The following ZNF536 variants were observed in gnomAD, a reference collection of about 807,000 sequenced individuals.
ZNF536 encodes the protein zinc finger protein 536.
Under a neutral mutation model 84.5 loss-of-function variants are expected in ZNF536, and 13 were observed. That is an observed-to-expected ratio of 0.15 (90% CI 0.10 to 0.24). The LOEUF (loss-of-function observed/expected upper bound fraction) is 0.24, where lower values mean the gene tolerates loss of function less well. Among genes scored for constraint, ZNF536 ranks in the 10% least tolerant of loss-of-function variants. The pLI, the probability that ZNF536 is intolerant of heterozygous loss-of-function variation, is 1.00. For synonymous variants in ZNF536, 811 were observed against 742.5 expected, an observed-to-expected ratio of 1.09 and a Z score of -1.50; for missense variants, 1,536 against 1,747.5, an observed-to-expected ratio of 0.88 and a Z score of 2.16.
intron 2 of ZNF536, among the ~76,000 whole-genome samples, chr19:30,319,768 G>T (rs1485896908): frequency 6.6e-6 from 1 of 152,218 alleles, no homozygotes; most frequent in Non-Finnish European, 1.5e-5. Flanking sequence ...AATTGACTAA[G>T]ATGCAAGTAT....
Position 30,443,936 on chromosome 19 carries a change from G to T in ZNF536, c.374G>T (p.Arg125Leu), listed in dbSNP as rs866467288. The change falls in exon 2 of 5, where the codon CGC (arginine) becomes CTC (leucine). Residue 125 changes from arginine (R) to leucine (L), a missense_variant. Transcript: ENST00000355537. ...SQMSDIEDDA[R>L]KNRKYPCPLC... is the part of the protein sequence containing the mutation. ...ATGAGCGACATCGAGGACGACGCCC[G>T]CAAGAACCGCAAGTACCCGTGCCCA... is the stretch of plus-strand genomic sequence containing the variant. 4 of 1,613,654 alleles carry T rather than the reference G, an allele frequency of 2.5e-6. No homozygotes were observed. Among genetic ancestry groups the T allele is most frequent in the South Asian group, 1.1e-5 (1 of 91,082 alleles).
chr19:30,238,431 CCACA>C (rs57536360), intron 1 of ZNF536, among the ~76,000 whole-genome samples: 78,995 of 149,842 alleles, frequency 0.53, 21,956 homozygotes, highest in East Asian at 0.8. Flanking sequence ...TGTATCTAGG[CCACA>C]CACACACACA....
chr19:30,556,601 G>A (rs1244902940), intron 4 of ZNF536: 1 of 152,374 alleles, frequency 6.6e-6, no homozygotes, highest in African/African-American at 2.4e-5. Flanking sequence ...CATTGTATTT[G>A]CCAAATGGTC....
intron 1 of ZNF536, among the ~76,000 whole-genome samples, chr19:30,567,400 T>C (rs956097462): frequency 6.6e-5 from 10 of 152,176 alleles, no homozygotes; most frequent in African/African-American, 2.2e-4. Context: ...ATCCCCTCAG[T>C]GTCCTCACCT....
intron 2 of ZNF536, among the ~76,000 whole-genome samples, chr19:30,340,836 A>G (rs577129359): frequency 6.6e-6 from 1 of 152,342 alleles, no homozygotes; most frequent in East Asian, 1.9e-4. Flanking sequence ...GATATCCTCT[A>G]AAAGATGTGA....
chr19:30,520,214 T>C (rs2044263733), intron 2 of ZNF536, among the ~76,000 whole-genome samples: 2 of 152,104 alleles, frequency 1.3e-5, no homozygotes, highest in Admixed American at 1.3e-4. Context: ...ATTTCTTAGA[T>C]CTCATTGCAG....
At chr19:30,438,301 C>T (rs761799671) in intron 1 of ZNF536, among the ~76,000 whole-genome samples, 1 of 152,156 alleles carries the variant, frequency 6.6e-6, no homozygotes, top group East Asian at 1.9e-4. Context: ...TCTTTATGTC[C>T]GTGTATACCC....
At chr19:30,431,440 G>T (rs926748374) in intron 1 of ZNF536, among the ~76,000 whole-genome samples, 1 of 152,166 alleles carries the variant, frequency 6.6e-6, no homozygotes, top group Non-Finnish European at 1.5e-5. Flanking sequence ...AGTAATGATC[G>T]TGCTTACTTA....
intron 2 of ZNF536, among the ~76,000 whole-genome samples, chr19:30,337,344 C>T (rs1354835997): frequency 3.9e-5 from 6 of 152,170 alleles, no homozygotes; most frequent in Non-Finnish European, 8.8e-5. Context: ...CTCCCACCAC[C>T]GTCTGTGTCC....
At chr19:30,643,772 T>TG (rs1261375880) in intron 1 of ZNF536, among the ~76,000 whole-genome samples, 1 of 152,056 alleles carries the variant, frequency 6.6e-6, no homozygotes, top group Non-Finnish European at 1.5e-5. Flanking sequence ...GGAGTTGCGT[T>TG]GGGGGGTGGT....
At chr19:30,420,497 C>A (rs1018420491) in intron 1 of ZNF536, among the ~76,000 whole-genome samples, 5 of 152,176 alleles carry the variant, frequency 3.3e-5, no homozygotes, top group African/African-American at 1.2e-4. Flanking sequence ...AATCTCTTAG[C>A]ATCATCAAAG....
chr19:30,456,508 T>A (rs1273141450), intron 2 of ZNF536, among the ~76,000 whole-genome samples: 1 of 152,102 alleles, frequency 6.6e-6, no homozygotes, highest in Non-Finnish European at 1.5e-5. Flanking sequence ...GGCTCTAGAC[T>A]GTTTGTTTTA....
chr19:30,690,662 C>A (rs373295635), intron 1 of ZNF536, among the ~76,000 whole-genome samples: 67 of 152,236 alleles, frequency 4.4e-4, no homozygotes, highest in African/African-American at 1.6e-3. Flanking sequence ...TGGAGCCAGA[C>A]CACTTGGTTT....
At chr19:30,440,561 A>G (rs1471371842) in intron 1 of ZNF536, among the ~76,000 whole-genome samples, 3 of 152,230 alleles carry the variant, frequency 2.0e-5, no homozygotes, top group Non-Finnish European at 4.4e-5. Context: ...CAAGACAGAC[A>G]TATCCTCTGC....
chr19:30,662,931 TTCTC>T (rs1169541866), intron 1 of ZNF536, among the ~76,000 whole-genome samples: 6 of 151,158 alleles, frequency 4.0e-5, no homozygotes, highest in African/African-American at 7.3e-5. Context: ...TTTTTTCTCT[TTCTC>T]TCTTTCTTTC....
At chr19:30,312,006 T>C (rs913586633) in intron 2 of ZNF536, among the ~76,000 whole-genome samples, 3 of 152,176 alleles carry the variant, frequency 2.0e-5, no homozygotes, top group African/African-American at 7.2e-5. Context: ...AGTTGGAGGC[T>C]GCAGTGAGCT....
At chr19:30,386,162 A>G (rs1328232852) in intron 1 of ZNF536, among the ~76,000 whole-genome samples, 1 of 152,132 alleles carries the variant, frequency 6.6e-6, no homozygotes, top group Non-Finnish European at 1.5e-5. Context: ...TTAGAAAGCC[A>G]GCCACTTTTT....
intron 2 of ZNF536, among the ~76,000 whole-genome samples, chr19:30,510,602 CCTT>C (rs1159251524): frequency 6.6e-6 from 1 of 152,210 alleles, no homozygotes; most frequent in East Asian, 1.9e-4. Flanking sequence ...CTGCTTCCCT[CCTT>C]CATGATGGGT....
intron 1 of ZNF536, among the ~76,000 whole-genome samples, chr19:30,387,348 C>T (rs960862224): frequency 6.6e-5 from 10 of 152,238 alleles, no homozygotes; most frequent in Non-Finnish European, 1.3e-4. Context: ...GGACCCGAGA[C>T]TTCTGCAGCC....
Sources: gnomAD v4.1 joint callset for allele counts (sites outside exome capture counted in the v4.1 genomes callset) on GRCh38, gnomAD v4.1.1 for gene constraint, MANE v1.5 for transcripts, NCBI Gene and HGNC (gene_info 2026-07-23, HGNC 2026-07-21) for gene names.